RAB37: variants seen among roughly 807,000 people sequenced by gnomAD.
RAB37 encodes RAB37, member RAS oncogene family.
Under a neutral mutation model 33.1 loss-of-function variants are expected in RAB37, and 29 were observed. That is an observed-to-expected ratio of 0.88 (90% CI 0.65 to 1.20). RAB37 has a LOEUF of 1.20. RAB37 is among the 50% of genes most tolerant of loss of function. RAB37 has a pLI of 0.00. For synonymous variants in RAB37, 128 were observed against 119.5 expected (o/e 1.07, Z -0.47); for missense variants, 299 against 301.1 (o/e 0.99, Z 0.05).
At chr17:74,731,951 G>T (rs536872210) in intron 2 of RAB37, among the ~76,000 whole-genome samples, 1 of 151,860 alleles carries the variant, frequency 6.6e-6, no homozygotes, top group Non-Finnish European at 1.5e-5. Flanking sequence ...CGGAGGTTGC[G>T]GCGAGCCAAT....
chr17:74,694,705 G>A (rs778975955), intron 1 of RAB37: 7 of 162,784 alleles, frequency 4.3e-5, no homozygotes, highest in South Asian at 3.7e-4. Flanking sequence ...TGAGGATTAG[G>A]ACACAGATAT....
intron 1 of RAB37, among the ~76,000 whole-genome samples, chr17:74,722,565 A>C (rs2034256490): frequency 6.6e-6 from 1 of 152,240 alleles, no homozygotes; most frequent in East Asian, 1.9e-4. Flanking sequence ...CCTTCACAGC[A>C]ACATCTAGAT....
chr17:74,744,079 A>G lies in RAB37; in HGVS notation c.367-229A>G, dbSNP rs1339042534. 1.3e-5 allele frequency among the ~76,000 whole-genome samples: 2 copies of G among 152,176 alleles called. No individual in the cohort carries two copies. Among genetic ancestry groups the G allele is most frequent in the East Asian group, 3.9e-4 (2 of 5,180 alleles). On this transcript the variant is annotated intron_variant, in intron 5 of 8. Coordinates refer to ENST00000392613, the MANE Select transcript of RAB37 (RefSeq NM_001006638.3). The surrounding 1 kb of genome is among the most constrained non-coding windows in gnomAD (Gnocchi z 4.2). ...AGGTCTCCATGCATCTGGATCTTCC[A>G]TAGAACTGATAGTTGCACAGCATAA...
At chr17:74,709,993 T>C (rs527928889) in intron 1 of RAB37, among the ~76,000 whole-genome samples, 1 of 152,218 alleles carries the variant, frequency 6.6e-6, no homozygotes, top group African/African-American at 2.4e-5. Flanking sequence ...TTGTTTGTTT[T>C]TTTGAGATGG....
chr17:74,735,863 G>C (rs373278036), upstream of RAB37, among the ~76,000 whole-genome samples: 223 of 152,278 alleles, frequency 1.5e-3, no homozygotes, highest in African/African-American at 4.9e-3. Context: ...ACAGGCCTAT[G>C]GTGGCCCATA....
intron 1 of RAB37, chr17:74,694,999 C>T (rs1598196440): frequency 1.5e-6 from 2 of 1,355,564 alleles, no homozygotes; most frequent in East Asian, 4.7e-5. Context: ...GGCACCAGTC[C>T]CCGGGTTGGT....
At chr17:74,736,595 G>A, upstream of RAB37, 2 of 1,528,938 alleles carry the variant, frequency 1.3e-6, no homozygotes, top group South Asian at 1.2e-5. Context: ...CAGCCCTCTT[G>A]CGAAAGCTCT....
In RAB37 at chr17:74,744,538, C is replaced by T; in HGVS notation, c.432+165C>T. 2 of 688,302 alleles carry T rather than the reference C, an allele frequency of 2.9e-6. No homozygotes were observed. The highest frequency in any genetic ancestry group is 2.7e-5 in the Admixed American group (1 of 37,608). The allele number at this position is 688,302 out of a possible 1,614,324, so 42.6% of individuals were successfully genotyped here. A position where few individuals can be genotyped will look rare whatever the true frequency, so the allele number is the denominator to read the frequency against. ...TGGAGGCTTCTGCCCATCCCATCTG[C>T]CCCTTCCAGGGAAAGTCCAAGTTGT... On this transcript the variant is annotated intron_variant, in intron 6 of 8. Coordinates refer to ENST00000392613, the MANE Select transcript of RAB37 (RefSeq NM_001006638.3). This position sits in a 1 kb window ranked among gnomAD's most constrained non-coding sequence, Gnocchi z 4.2.
At chr17:74,719,612 G>C (rs2034211899) in intron 1 of RAB37, among the ~76,000 whole-genome samples, 1 of 151,912 alleles carries the variant, frequency 6.6e-6, no homozygotes. Flanking sequence ...AAATCTCCTG[G>C]ACTCAAGTAA....
intron 1 of RAB37, among the ~76,000 whole-genome samples, chr17:74,718,574 A>C (rs1171656728): frequency 6.6e-6 from 1 of 152,104 alleles, no homozygotes; most frequent in Non-Finnish European, 1.5e-5. Context: ...TGTATTTGGA[A>C]AAAAAAACAA....
chr17:74,704,349 C>T, intron 1 of RAB37: 1 of 711,244 alleles, frequency 1.4e-6, no homozygotes, highest in South Asian at 1.8e-5. Flanking sequence ...GGTGGTCAGT[C>T]AGGGTTCTAT....
intron 1 of RAB37, chr17:74,694,857 A>G (rs544445034): frequency 2.2e-5 from 9 of 417,272 alleles, no homozygotes; most frequent in African/African-American, 1.6e-4. Flanking sequence ...GCCCCAGAGC[A>G]TATCCCTAGC....
intron 1 of RAB37, among the ~76,000 whole-genome samples, chr17:74,705,975 A>G (rs1208612476): frequency 2.0e-5 from 3 of 152,180 alleles, no homozygotes; most frequent in African/African-American, 7.2e-5. Context: ...CCATTATCCT[A>G]AGTGAATTAA....
At position 74,730,386 on chromosome 17, in the gene RAB37, G is replaced by T. The variant is rs1248802434; in HGVS notation, c.183+1020G>T. ...CTCAGAAAAATGGGCTTGCCCACTGGGTCACAGCCAGGAAGGCAGGGGTTC... is the reference window on the plus strand; with the variant it reads ...CTCAGAAAAATGGGCTTGCCCACTGTGTCACAGCCAGGAAGGCAGGGGTTC... On this transcript the variant is annotated intron_variant, in intron 2 of 7. Coordinates refer to the RAB37 transcript ENST00000340415. This position sits in a 1 kb window ranked among gnomAD's most constrained non-coding sequence, Gnocchi z 4.4. Among the ~76,000 whole-genome samples the T allele has an allele frequency of 6.6e-6, 1 of 152,164 alleles. No individual in the cohort carries two copies. Among genetic ancestry groups the T allele is most frequent in the African/African-American group, 2.4e-5 (1 of 41,434 alleles).
In RAB37 at chr17:74,744,747, AAT is replaced by A; in HGVS notation, c.433-125_433-124del. On this transcript the variant is annotated intron_variant, in intron 6 of 8. Coordinates refer to ENST00000392613, the MANE Select transcript of RAB37 (RefSeq NM_001006638.3). This position sits in a 1 kb window ranked among gnomAD's most constrained non-coding sequence, Gnocchi z 4.2. ...TGGGCAGAAACCCTGGCCCCAGGCC[AAT>A]CACACCTGCCTGCAGTCCCTTGGGC... 8.7e-7 allele frequency: 1 copy of A among 1,144,334 alleles called. No homozygotes were observed. Among genetic ancestry groups the A allele is most frequent in the Non-Finnish European group, 1.3e-6 (1 of 758,578 alleles). 70.9% of individuals were successfully genotyped at this position (1,144,334 alleles called of 1,614,324 possible).
intron 1 of RAB37, chr17:74,705,260 T>G: frequency 2.8e-6 from 2 of 702,014 alleles, no homozygotes; most frequent in South Asian, 3.0e-5. Context: ...CCACATCAGA[T>G]GGCTGTGGAG....
chr17:74,740,372 G>C (rs1371189475), intron 1 of RAB37, among the ~76,000 whole-genome samples: 1 of 152,124 alleles, frequency 6.6e-6, no homozygotes, highest in Non-Finnish European at 1.5e-5. Context: ...ACTCACGAGC[G>C]GACGATGGAT....
At chr17:74,722,199 C>T (rs971822789) in intron 1 of RAB37, among the ~76,000 whole-genome samples, 2 of 151,004 alleles carry the variant, frequency 1.3e-5, no homozygotes, top group Non-Finnish European at 2.9e-5. Context: ...AGGAGAATGG[C>T]GTGAACCCGG....
chr17:74,689,772 C>G (rs1218429260), intron 1 of RAB37, among the ~76,000 whole-genome samples: 2 of 152,182 alleles, frequency 1.3e-5, no homozygotes, highest in Non-Finnish European at 2.9e-5. Flanking sequence ...TTCAAGATGT[C>G]AAGCAAAGGT....
Sources: allele counts gnomAD v4.1 joint callset (sites outside exome capture counted in the v4.1 genomes callset), GRCh38; gene constraint gnomAD v4.1.1; non-coding constraint Gnocchi (gnomAD v3.1); transcripts MANE v1.5; gene names NCBI Gene and HGNC (gene_info 2026-07-23, HGNC 2026-07-21).